The following COPB1 variants were observed in gnomAD, a reference collection of about 807,000 sequenced individuals.
COPB1 encodes the protein coat protein complex I subunit beta 1, also known as coatomer subunit beta.
In COPB1, 21 loss-of-function variants were observed where a neutral mutation model predicts 108.7. That is an observed-to-expected ratio of 0.19 (90% CI 0.14 to 0.28). The LOEUF (loss-of-function observed/expected upper bound fraction) is 0.28, where lower values mean the gene tolerates loss of function less well. Ranked by LOEUF, COPB1 falls within the 10% of genes least tolerant of loss-of-function variation. The probability of loss-of-function intolerance (pLI) is 1.00; values close to 1 mark genes in which losing one functional copy is unlikely to be tolerated. For synonymous variants in COPB1, 378 were observed against 386.8 expected, an observed-to-expected ratio of 0.98 and a Z score of 0.27; for missense variants, 919 against 1,141.3, an observed-to-expected ratio of 0.81 and a Z score of 2.81.
chr11:14,496,782 T>C (rs539030264), intron 2 of COPB1, among the ~76,000 whole-genome samples: 19 of 152,046 alleles, frequency 1.2e-4, no homozygotes, highest in South Asian at 1.2e-3. Flanking sequence ...AGGAATCACA[T>C]TACTTGACAT....
Position 14,466,347 on chromosome 11 carries a change from T to G in COPB1, c.2225A>C (p.Asp742Ala). Reference sequence around the variant, plus strand: ...ACTGGTTTGGTTCACAACAAGTACATCCAGGACAATATCATATTGGTTGAC... The same window carrying G: ...ACTGGTTTGGTTCACAACAAGTACAGCCAGGACAATATCATATTGGTTGAC... Reference protein sequence around the residue: ...VHVNQYDIVLDVLVVNQTSDT... With the variant: ...VHVNQYDIVLAVLVVNQTSDT... The change falls in exon 17 of 22, where the codon GAT becomes GCT. Residue 742 changes from aspartate to alanine, a missense_variant. Physicochemically the swap from Asp to Ala is moderately radical, Grantham distance 126. This residue lies in a region of COPB1 where 705 missense variants were observed against 817.8 expected (regional missense o/e 0.86). Transcript: ENST00000439561. The G allele has an allele frequency of 6.2e-7, 1 of 1,613,666 alleles. No homozygotes were observed. The highest frequency in any genetic ancestry group is 1.1e-5 in the South Asian group (1 of 91,078).
At chr11:14,470,338 C>G (rs941965240) in intron 14 of COPB1, among the ~76,000 whole-genome samples, 2 of 152,190 alleles carry the variant, frequency 1.3e-5, no homozygotes, top group African/African-American at 4.8e-5. Context: ...CACAAGGTAC[C>G]TAAAGTTAGG....
chr11:14,498,714 G>C, intron 2 of COPB1, 124 bp downstream of exon 2: 1 of 693,594 alleles, frequency 1.4e-6, no homozygotes, highest in Non-Finnish European at 2.3e-6. Flanking sequence ...GTCTATCGAA[G>C]AGATCCTAGA....
chr11:14,466,334 CACA>C lies in COPB1; in HGVS notation c.2235_2237del (p.Val746del). On this transcript the variant is annotated inframe_deletion, in exon 17 of 22. Coordinates refer to ENST00000439561, the MANE Select transcript of COPB1 (RefSeq NM_001144061.2). Reference sequence around the variant, plus strand: ...TCTGCAAAGTATCACTGGTTTGGTTCACAACAAGTACATCCAGGACAATATCAT... The same window carrying C: ...TCTGCAAAGTATCACTGGTTTGGTTCACAAGTACATCCAGGACAATATCAT... The C allele has an allele frequency of 6.2e-7, 1 of 1,613,610 alleles. No individual in the cohort carries two copies. Among genetic ancestry groups the C allele is most frequent in the Non-Finnish European group, 8.5e-7 (1 of 1,179,810 alleles).
intron 2 of COPB1, chr11:14,494,712 T>C (rs1447342005): frequency 3.2e-6 from 1 of 310,100 alleles, no homozygotes; most frequent in African/African-American, 2.2e-5. Context: ...ATTGAGTTAA[T>C]GCAGGCTCCA....
intron 1 of COPB1, 94 bp from the exon 2 acceptor site, chr11:14,499,079 C>T (rs1247166718): frequency 8.2e-6 from 5 of 609,398 alleles, no homozygotes; most frequent in Non-Finnish European, 1.1e-5. Flanking sequence ...TTAGAAAGGG[C>T]AGGTCAATCT....
chr11:14,494,066 TA>T, intron 3 of COPB1, 143 bp downstream of exon 3: 1 of 690,448 alleles, frequency 1.4e-6, no homozygotes, highest in South Asian at 2.1e-5. Context: ...ATAAAACTTT[TA>T]AAAATAACTC....
chr11:14,482,504 A>G (rs999008226), intron 8 of COPB1, among the ~76,000 whole-genome samples: 4 of 152,212 alleles, frequency 2.6e-5, no homozygotes, highest in African/African-American at 9.6e-5. Flanking sequence ...AACCGAAAAG[A>G]TAAAAAAATA....
At chr11:14,470,944 A>ACACACACACACT (rs1285522756) in intron 14 of COPB1, among the ~76,000 whole-genome samples, 56 of 90,208 alleles carry the variant, frequency 6.2e-4, no homozygotes, top group East Asian at 9.6e-4. Context: ...ACACACACAC[A>ACACACACACACT]CTCTCTCTCT....
intron 18 of COPB1, among the ~76,000 whole-genome samples, chr11:14,462,048 A>G (rs997739207): frequency 1.3e-5 from 2 of 152,094 alleles, no homozygotes; most frequent in African/African-American, 4.8e-5. Flanking sequence ...ATATATGTTC[A>G]GTATAGACAC....
chr11:14,470,899 T>TACACAC (rs56957263), intron 14 of COPB1, among the ~76,000 whole-genome samples: 1,956 of 134,788 alleles, frequency 0.015, 22 homozygotes, highest in East Asian at 0.022. Flanking sequence ...GTGGAAGAAA[T>TACACAC]ACACACACAC....
intron 16 of COPB1, among the ~76,000 whole-genome samples, chr11:14,467,685 T>A (rs1047698429): frequency 1.3e-5 from 2 of 152,220 alleles, no homozygotes; most frequent in African/African-American, 4.8e-5. Flanking sequence ...GGCATATACT[T>A]ACAATGTAAT....
At chr11:14,473,002 T>C (rs1201457509) in intron 14 of COPB1, among the ~76,000 whole-genome samples, 1 of 151,876 alleles carries the variant, frequency 6.6e-6, no homozygotes, top group Non-Finnish European at 1.5e-5. Context: ...CGAGACGGAG[T>C]CTTGTTCTGT....
chr11:14,475,507 T>C (rs921377704), intron 13 of COPB1, among the ~76,000 whole-genome samples: 1 of 152,222 alleles, frequency 6.6e-6, no homozygotes, highest in Admixed American at 6.5e-5. Context: ...CTCAAATATC[T>C]TCAGTTACCC....
intron 2 of COPB1, among the ~76,000 whole-genome samples, chr11:14,495,117 A>C (rs1222783049): frequency 6.6e-6 from 1 of 152,246 alleles, no homozygotes; most frequent in Admixed American, 6.5e-5. Flanking sequence ...ACTGTTATTT[A>C]GCCTAAAAAC....
chr11:14,483,200 A>C, intron 7 of COPB1, 49 bp from the exon 8 acceptor site: 1 of 1,429,076 alleles, frequency 7.0e-7, no homozygotes, highest in Non-Finnish European at 9.4e-7. Context: ...TCTATCATAA[A>C]ATTTGAAAAT....
intron 11 of COPB1, among the ~76,000 whole-genome samples, chr11:14,478,370 T>C (rs1850575037): frequency 6.6e-6 from 1 of 150,786 alleles, no homozygotes; most frequent in Admixed American, 6.7e-5. Flanking sequence ...AGTCCAGGAG[T>C]TCGAGACCAG....
chr11:14,462,281 G>A (rs1850174276), intron 18 of COPB1, among the ~76,000 whole-genome samples: 1 of 144,854 alleles, frequency 6.9e-6, no homozygotes, highest in Admixed American at 7.1e-5. Flanking sequence ...CACCCAGGCT[G>A]GAGTGCAGTG....
intron 14 of COPB1, among the ~76,000 whole-genome samples, chr11:14,473,400 T>C (rs1009933659): frequency 3.9e-5 from 6 of 152,246 alleles, no homozygotes; most frequent in African/African-American, 1.4e-4. Context: ...GCTCAGCTTT[T>C]GACATGCATT....
Sources: allele counts gnomAD v4.1 joint callset (sites outside exome capture counted in the v4.1 genomes callset), GRCh38; gene constraint gnomAD v4.1.1; regional missense constraint gnomAD v4.1.1; transcripts MANE v1.5; gene names NCBI Gene and HGNC (gene_info 2026-07-23, HGNC 2026-07-21).